Variants in FRMD6 observed in about 807,000 individuals in gnomAD.
FRMD6 encodes FERM domain containing 6.
Under a neutral mutation model 73.2 loss-of-function variants are expected in FRMD6, and 37 were observed. The ratio of observed to expected loss-of-function variants is 0.51; its 90% CI spans 0.39 to 0.66. The LOEUF (loss-of-function observed/expected upper bound fraction) is 0.66, where lower values mean the gene tolerates loss of function less well. Ranked by LOEUF, FRMD6 falls within the 30% of genes least tolerant of loss-of-function variation. The pLI is 0.00. For synonymous variants in FRMD6, 273 were observed against 282.2 expected, an observed-to-expected ratio of 0.97 and a Z score of 0.33; for missense variants, 714 against 780.5, an observed-to-expected ratio of 0.91 and a Z score of 1.02.
chr14:51,596,466 G>T (rs1214468903), intron 2 of FRMD6, among the ~76,000 whole-genome samples: 1 of 152,122 alleles, frequency 6.6e-6, no homozygotes, highest in African/African-American at 2.4e-5. Context: ...AAAATATTTT[G>T]TGTTCATTGC....
chr14:51,563,796 A>G (rs1470680247), intron 1 of FRMD6, among the ~76,000 whole-genome samples: 2 of 152,240 alleles, frequency 1.3e-5, no homozygotes, highest in African/African-American at 2.4e-5. Flanking sequence ...ATGGCTATGA[A>G]AAATGCTTAA....
chr14:51,475,687 A>G, the FRMD6 span, among the ~76,000 whole-genome samples: 9 of 152,216 alleles, frequency 5.9e-5, no homozygotes, highest in Non-Finnish European at 1.2e-4. Flanking sequence ...AGCTAGCAAC[A>G]TTTAAAATTC....
At chr14:51,603,294 C>T (rs1389577348) in intron 2 of FRMD6, among the ~76,000 whole-genome samples, 2 of 152,156 alleles carry the variant, frequency 1.3e-5, no homozygotes, top group Non-Finnish European at 2.9e-5. Flanking sequence ...CCTGAATGGA[C>T]TAAGACAAGT....
chr14:51,702,599 AG>A lies in FRMD6; in HGVS notation c.371+16del. 6.2e-7 allele frequency: 1 copy of A among 1,603,928 alleles called. No individual in the cohort carries two copies. Among genetic ancestry groups the A allele is most frequent in the Non-Finnish European group, 8.5e-7 (1 of 1,173,794 alleles). On this transcript the variant is annotated intron_variant, in intron 5 of 13. Coordinates refer to ENST00000344768, the MANE Select transcript of FRMD6 (RefSeq NM_001267046.2). ...TGGCAGATTGATCAGGTAAGAGGAC[AG>A]GGGGTGATTCTAAACGCTTTTTTTT...
At chr14:51,411,008 G>A in the FRMD6 span, among the ~76,000 whole-genome samples, 2 of 152,094 alleles carry the variant, frequency 1.3e-5, no homozygotes, top group African/African-American at 4.8e-5. Context: ...CTCCTGCTGT[G>A]CCTGTAACTC....
chr14:51,484,159 G>A (rs780607730), upstream of FRMD6, among the ~76,000 whole-genome samples: 2 of 152,164 alleles, frequency 1.3e-5, no homozygotes, highest in Non-Finnish European at 2.9e-5. Context: ...TCTTTACAGG[G>A]AATTGGGCAT....
At chr14:51,564,220 G>T (rs1310584062) in intron 1 of FRMD6, among the ~76,000 whole-genome samples, 1 of 152,112 alleles carries the variant, frequency 6.6e-6, no homozygotes, top group African/African-American at 2.4e-5. Context: ...CGTTACTTTT[G>T]AACATGTAAA....
intron 1 of FRMD6, among the ~76,000 whole-genome samples, chr14:51,535,613 G>A (rs2140348841): frequency 6.6e-6 from 1 of 152,294 alleles, no homozygotes; most frequent in East Asian, 1.9e-4. Flanking sequence ...ACATTTTGTT[G>A]ATCCATTCAC....
intron 12 of FRMD6, among the ~76,000 whole-genome samples, chr14:51,725,568 C>G (rs1359142337): frequency 2.0e-5 from 3 of 152,080 alleles, no homozygotes; most frequent in African/African-American, 4.8e-5. Flanking sequence ...ACACTCTAAC[C>G]CTACTTTGAC....
At chr14:51,546,985 A>G (rs1446353658) in intron 1 of FRMD6, among the ~76,000 whole-genome samples, 1 of 151,928 alleles carries the variant, frequency 6.6e-6, no homozygotes, top group Admixed American at 6.5e-5. Context: ...TATTCCTGGT[A>G]TGATCTCGGT....
Position 51,501,833 on chromosome 14 carries a change from T to C in FRMD6, c.-210+12413T>C, listed in dbSNP as rs568624359. On this transcript the variant is annotated intron_variant, in intron 1 of 14. Transcript: ENST00000356218. The stretch of plus-strand genomic sequence containing the variant: ...CCACAATGGTTGAACTAATTTCCAC[T>C]TCTACCAACTGTGTAAAAGTGTTCC... Among the ~76,000 whole-genome samples the C allele has an allele frequency of 1.3e-3, 200 of 152,320 alleles. 1 individual carries two copies. The highest frequency in any genetic ancestry group is 6.1e-3 in the Admixed American group (93 of 15,302).
the FRMD6 span, among the ~76,000 whole-genome samples, chr14:51,458,479 G>A: frequency 3.9e-5 from 6 of 152,150 alleles, no homozygotes; most frequent in Non-Finnish European, 5.9e-5. Flanking sequence ...TTTTAAATGG[G>A]TTAAGTCCTT....
intron 1 of FRMD6, among the ~76,000 whole-genome samples, chr14:51,536,195 G>A (rs1482033846): frequency 6.6e-6 from 1 of 150,790 alleles, no homozygotes; most frequent in Non-Finnish European, 1.5e-5. Context: ...CTTGGCTCAA[G>A]TGATCCTCCC....
intron 2 of FRMD6, among the ~76,000 whole-genome samples, chr14:51,595,363 A>G (rs745582632): frequency 2.0e-4 from 31 of 152,188 alleles, no homozygotes; most frequent in Non-Finnish European, 4.3e-4. Context: ...TCTACAAAAC[A>G]CTTTAGCATT....
the FRMD6 span, among the ~76,000 whole-genome samples, chr14:51,469,618 GAAAAAAAA>G: frequency 2.1e-5 from 2 of 96,764 alleles, no homozygotes; most frequent in Non-Finnish European, 4.2e-5. Flanking sequence ...ATTTCAAAAA[GAAAAAAAA>G]AAAAAAAAAA....
At chr14:51,483,470 GC>G in the FRMD6 span, among the ~76,000 whole-genome samples, 3 of 152,210 alleles carry the variant, frequency 2.0e-5, no homozygotes, top group Admixed American at 2.0e-4. Flanking sequence ...GGCATGAGAA[GC>G]CCTGGAGGAA....
chr14:51,643,028 C>A (rs1422031963), intron 2 of FRMD6, among the ~76,000 whole-genome samples: 5 of 152,094 alleles, frequency 3.3e-5, no homozygotes, highest in Admixed American at 2.0e-4. Context: ...AAATGCCTGA[C>A]CAAGTCTGTA....
chr14:51,594,310 A>T (rs144475158), intron 2 of FRMD6, among the ~76,000 whole-genome samples: 193 of 65,458 alleles, frequency 2.9e-3, no homozygotes, highest in Non-Finnish European at 6.2e-3. Flanking sequence ...TTTTATTTTT[A>T]TTTATTTATT....
intron 7 of FRMD6, among the ~76,000 whole-genome samples, chr14:51,709,882 A>G (rs896362730): frequency 1.3e-5 from 2 of 152,152 alleles, no homozygotes; most frequent in Non-Finnish European, 2.9e-5. Flanking sequence ...ATCCTAGGCA[A>G]CTATAATCCT....
Sources: gnomAD v4.1 joint callset for allele counts (sites outside exome capture counted in the v4.1 genomes callset) on GRCh38, gnomAD v4.1.1 for gene constraint, MANE v1.5 for transcripts, NCBI Gene and HGNC (gene_info 2026-07-23, HGNC 2026-07-21) for gene names.